PRDM4: variants seen among roughly 807,000 people sequenced by gnomAD.
The protein encoded by PRDM4 is PR/SET domain 4, also known as PR domain zinc finger protein 4.
A neutral mutation model predicts 62.3 loss-of-function variants in PRDM4; 38 were observed. That is an observed-to-expected ratio of 0.61 (90% CI 0.47 to 0.80). The LOEUF is 0.80. Among genes scored for constraint, PRDM4 ranks in the 30% least tolerant of loss-of-function variants. The pLI is 0.00. For missense variants in PRDM4, 858 were observed against 997.1 expected, an observed-to-expected ratio of 0.86 and a Z score of 1.88; for synonymous variants, 339 against 348.2, an observed-to-expected ratio of 0.97 and a Z score of 0.30.
intron 7 of PRDM4, among the ~76,000 whole-genome samples, chr12:107,743,842 C>A (rs1051285679): frequency 6.6e-6 from 1 of 152,142 alleles, no homozygotes; most frequent in African/African-American, 2.4e-5. Context: ...AGGCCAGGTG[C>A]GGTGGCTCAC....
Position 107,734,434 on chromosome 12 carries a change from G to A in PRDM4, c.2182C>T (p.Arg728Trp), listed in dbSNP as rs200101622. The A allele has an allele frequency of 3.7e-6, 6 of 1,614,098 alleles. No individual in the cohort carries two copies. The highest frequency in any genetic ancestry group is 2.7e-5 in the African/African-American group (2 of 75,044). ...KKHLNSHEGK[R>W]DYVCEKCTKA... ...GTACATTTTTCACAGACATAATCCC[G>A]TTTTCCTTCATGAGAATTGAGATGC... Residue 728 changes from arginine (R) to tryptophan (W), a missense_variant, in exon 12 of 12, where the codon CGG (arginine) becomes TGG (tryptophan). Arg to Trp is a moderately radical substitution (Grantham distance 101). Transcript: ENST00000228437.
At position 107,744,634 on chromosome 12, in the gene PRDM4, A is replaced by C; in HGVS notation, c.1304T>G (p.Val435Gly). Residue 435 changes from valine to glycine, a missense_variant, in exon 7 of 12, where the codon GTG (valine) becomes GGG (glycine). Transcript: ENST00000228437. Reference protein sequence around the residue: ...VGVWTGETIPVRTCFGPLIGQ... With the variant: ...VGVWTGETIPGRTCFGPLIGQ... The stretch of plus-strand genomic sequence containing the variant: ...AATTAGAGGTCCAAAGCAAGTCCGC[A>C]CAGGAATGGTTTCTCCAGTCCATAC... 1 of 1,613,856 alleles carries C rather than the reference A, an allele frequency of 6.2e-7. No individual in the cohort carries two copies. Among genetic ancestry groups the C allele is most frequent in the Non-Finnish European group, 8.5e-7 (1 of 1,179,734 alleles).
intron 9 of PRDM4, 89 bp downstream of exon 9, chr12:107,742,132 A>G: frequency 7.3e-7 from 1 of 1,371,070 alleles, no homozygotes; most frequent in South Asian, 1.4e-5. Context: ...GATTTGCTTC[A>G]GCTAACATGT....
At chr12:107,747,235 C>G (rs1330121707) in intron 5 of PRDM4, among the ~76,000 whole-genome samples, 1 of 152,046 alleles carries the variant, frequency 6.6e-6, no homozygotes, top group Non-Finnish European at 1.5e-5. Context: ...GCCCTAAAGT[C>G]CAAAAGATTC....
chr12:107,757,652 T>C (rs760801686), intron 2 of PRDM4, among the ~76,000 whole-genome samples: 4 of 152,176 alleles, frequency 2.6e-5, no homozygotes, highest in East Asian at 1.9e-4. Context: ...CCAAATCACA[T>C]AGCTATTAAG....
At chr12:107,739,859 CAAACAT>C (rs767796027) in intron 10 of PRDM4, among the ~76,000 whole-genome samples, 17 of 137,372 alleles carry the variant, frequency 1.2e-4, no homozygotes, top group Non-Finnish European at 2.6e-4. Flanking sequence ...TGCCCTAACA[CAAACAT>C]AAAGAAAAAA....
chr12:107,742,765 T>A (rs1890559708), intron 8 of PRDM4, among the ~76,000 whole-genome samples: 1 of 61,064 alleles, frequency 1.6e-5, no homozygotes, highest in Non-Finnish European at 5.4e-5. Flanking sequence ...GTAAGTGCCT[T>A]TTTTTTTTTT....
At position 107,751,508 on chromosome 12, in the gene PRDM4, C is replaced by A. The variant is rs12423276; in HGVS notation, c.1033G>T (p.Val345Leu). 6.2e-7 allele frequency: 1 copy of A among 1,613,574 alleles called. No individual in the cohort carries two copies. The highest frequency in any genetic ancestry group is 8.5e-7 in the Non-Finnish European group (1 of 1,179,458). The change falls in exon 5 of 12, where the codon GTA becomes TTA. Residue 345 changes from valine to leucine, a missense_variant. Val to Leu is a conservative substitution (Grantham distance 32). Around this residue, in one of 3 missense-constraint regions of PRDM4, gnomAD observed 499 missense variants for 546.7 expected, o/e 0.91. Transcript: ENST00000228437. ...ACAAAAGAAAGACTGTCTGAAGATA[C>A]ATCTACATGACCTGTCCCCATAGCA... ...EVAMGTGHVD[V>L]SSDSLSFVSP...
intron 8 of PRDM4, 21 bp from the exon 9 acceptor site, chr12:107,742,369 G>T: frequency 7.4e-6 from 12 of 1,611,704 alleles, no homozygotes; most frequent in Non-Finnish European, 1.0e-5. Context: ...ACATTTAATA[G>T]ATCAAGCACA....
Position 107,751,706 on chromosome 12 carries a change from C to T in PRDM4, c.835G>A (p.Gly279Ser). 1 of 1,614,168 alleles carries T rather than the reference C, an allele frequency of 6.2e-7. No homozygotes were observed. Among genetic ancestry groups the T allele is most frequent in the Non-Finnish European group, 8.5e-7 (1 of 1,180,022 alleles). Reference sequence around the variant, plus strand: ...TCACTGAGGGCACTGTCAGACATGCCATTGACCCGACTTGCAATGTGGTCT... The same window carrying T: ...TCACTGAGGGCACTGTCAGACATGCTATTGACCCGACTTGCAATGTGGTCT... ...ETDHIASRVN[G>S]MSDSALSDSI... The change falls in exon 5 of 12, where the codon GGC becomes AGC. Residue 279 changes from glycine to serine, a missense_variant. Gly to Ser is a moderately conservative substitution (Grantham distance 56). Coordinates refer to ENST00000228437, the MANE Select transcript of PRDM4 (RefSeq NM_012406.4).
Position 107,741,241 on chromosome 12 carries a change from A to T in PRDM4, c.1629T>A (p.Asp543Glu), listed in dbSNP as rs746630598. The stretch of plus-strand genomic sequence containing the variant: ...CCTTGCCACAGTTACAGAGATGCAC[A>T]TCTGGGTGTTCAGGAACACCTTTTA... The part of the protein sequence containing the change: ...AQQIGVPEHP[D>E]VHLCNCGKEC... The change falls in exon 10 of 12, where the codon GAT becomes GAA. Residue 543 changes from aspartate to glutamate, a missense_variant. Transcript: ENST00000228437. 2 of 1,609,832 alleles carry T rather than the reference A, an allele frequency of 1.2e-6. No individual in the cohort carries two copies. The highest frequency in any genetic ancestry group is 1.7e-6 in the Non-Finnish European group (2 of 1,176,454).
chr12:107,754,152 A>T (rs776580651), intron 3 of PRDM4, 43 bp from the exon 4 acceptor site: 2 of 1,452,322 alleles, frequency 1.4e-6, no homozygotes, highest in African/African-American at 2.9e-5. Flanking sequence ...GAAAATAGGT[A>T]ATTAAAAATT....
At position 107,759,791 on chromosome 12, in the gene PRDM4, G is replaced by A. The variant is rs1891174651; in HGVS notation, c.11+714C>T. 2.0e-5 allele frequency: 3 copies of A among 152,184 alleles called. No homozygotes were observed. In the South Asian group the frequency reaches 6.2e-4, roughly 32 times the overall value. 9.4% of individuals were successfully genotyped at this position (152,184 alleles called of 1,614,324 possible). A position where few individuals can be genotyped will look rare whatever the true frequency, so the allele number is the denominator to read the frequency against. ...TATGAGATTCTAAGAAGCAATCCCG[G>A]AAGAAGGCAAGAATCAAGATACTAA... is the stretch of plus-strand genomic sequence containing the variant. On this transcript the variant is annotated intron_variant, in intron 2 of 11. Coordinates refer to ENST00000228437, the MANE Select transcript of PRDM4 (RefSeq NM_012406.4).
At chr12:107,755,172 T>C (rs186976184) in intron 3 of PRDM4, among the ~76,000 whole-genome samples, 3 of 152,264 alleles carry the variant, frequency 2.0e-5, no homozygotes, top group Non-Finnish European at 4.4e-5. Context: ...CAACCTGAGC[T>C]TTCCTGGCTC....
rs918902131 is a variant in PRDM4 at position 107,733,820 on chromosome 12, C to T, written c.*390G>A. 2.9e-5 allele frequency: 6 copies of T among 206,846 alleles called. No homozygotes were observed. Among genetic ancestry groups the T allele is most frequent in the East Asian group, 1.4e-4 (1 of 7,172 alleles). 12.8% of individuals were successfully genotyped at this position (206,846 alleles called of 1,614,324 possible). A position where few individuals can be genotyped will look rare whatever the true frequency, so the allele number is the denominator to read the frequency against. On this transcript the variant is annotated 3_prime_UTR_variant, in exon 12 of 12. Coordinates refer to ENST00000228437, the MANE Select transcript of PRDM4 (RefSeq NM_012406.4). ...ATCAGGATGGCTATGGGGCAAGGAC[C>T]GTTTAGAATGTTACCAAGTCACAGG...
rs3070881 is a variant in PRDM4 at position 107,758,238 on chromosome 12, C to CTTTTTTTTTTTTTT, written c.12-1287_12-1274dup. On this transcript the variant is annotated intron_variant, in intron 2 of 11. Transcript: ENST00000228437. ...ATATGTAACTATCTCTCTTAATCTT[C>CTTTTTTTTTTTTTT]TTTTTTTTTTTTTTTTTTTTTTTGT... The CTTTTTTTTTTTTTT allele has an allele frequency of 4.6e-4, 47 of 101,894 alleles. 2 individuals are homozygous for CTTTTTTTTTTTTTT. The highest frequency in any genetic ancestry group is 6.3e-4 in the Non-Finnish European group (35 of 55,606). 6.3% of individuals were successfully genotyped at this position (101,894 alleles called of 1,614,324 possible).
Position 107,740,875 on chromosome 12 carries a change from C to CTA in PRDM4, c.1924+69_1924+70dup, listed in dbSNP as rs1890495177. On this transcript the variant is annotated intron_variant, in intron 10 of 11. Transcript: ENST00000228437. ...AATCTCAACTCCACCTACAATCCCT[C>CTA]TACAAAGCCTTTACTACCGCATTTT... 4 of 1,472,908 alleles carry CTA rather than the reference C, an allele frequency of 2.7e-6. No homozygotes were observed. The South Asian group carries it at 5.2e-5, about 19-fold the overall frequency. 91.2% of individuals were successfully genotyped at this position (1,472,908 alleles called of 1,614,324 possible). A position where few individuals can be genotyped will look rare whatever the true frequency, so the allele number is the denominator to read the frequency against.
At chr12:107,756,710 G>T in intron 3 of PRDM4, 122 bp downstream of exon 3, 3 of 1,178,052 alleles carry the variant, frequency 2.5e-6, no homozygotes, top group Non-Finnish European at 3.5e-6. Context: ...CACCATTCAG[G>T]CCTGCTTACC....
intron 4 of PRDM4, among the ~76,000 whole-genome samples, chr12:107,752,868 T>C (rs1430573465): frequency 6.6e-6 from 1 of 152,146 alleles, no homozygotes; most frequent in Non-Finnish European, 1.5e-5. Context: ...AAGACGTTCA[T>C]AAGAGCATTA....
Sources: gnomAD v4.1 joint callset for allele counts (sites outside exome capture counted in the v4.1 genomes callset) on GRCh38, gnomAD v4.1.1 for gene constraint, gnomAD v4.1.1 regional missense constraint, MANE v1.5 for transcripts, NCBI Gene and HGNC (gene_info 2026-07-23, HGNC 2026-07-21) for gene names.